The following GTF2H5 variants were observed in gnomAD, a reference collection of about 807,000 sequenced individuals.
GTF2H5 encodes the protein TFB5 ortholog.
Under a neutral mutation model 7.1 loss-of-function variants are expected in GTF2H5, and 5 were observed. The ratio of observed to expected loss-of-function variants is 0.71; its 90% confidence interval spans 0.37 to 1.49. The LOEUF is 1.49. Among genes scored for constraint, GTF2H5 ranks in the 40% most tolerant of loss-of-function variants. The pLI, the probability that GTF2H5 is intolerant of heterozygous loss-of-function variation, is 0.03. For missense variants in GTF2H5, 80 were observed against 83.0 expected (o/e 0.96, Z 0.14); for synonymous variants, 30 against 31.7 (o/e 0.95, Z 0.18).
intron 1 of GTF2H5, among the ~76,000 whole-genome samples, chr6:158,169,455 A>G (rs867095575): frequency 1.5e-5 from 1 of 68,860 alleles, no homozygotes; most frequent in African/African-American, 6.6e-5. Context: ...ATTATATATT[A>G]TATATATTAT....
intron 2 of GTF2H5, among the ~76,000 whole-genome samples, chr6:158,175,030 G>GTGTGTGTATATATA (rs1785912936): frequency 6.9e-6 from 1 of 144,908 alleles, no homozygotes; most frequent in African/African-American, 2.6e-5. Flanking sequence ...GTGTGTGTGT[G>GTGTGTGTATATATA]TGTGTGTGTG....
intron 2 of GTF2H5, among the ~76,000 whole-genome samples, chr6:158,172,590 A>G (rs1226494139): frequency 2.6e-5 from 4 of 151,958 alleles, no homozygotes; most frequent in Non-Finnish European, 5.9e-5. Context: ...GAGCCACTGC[A>G]CCCAGCCTAG....
Position 158,192,151 on chromosome 6 carries a change from G to GT in GTF2H5, c.210_211insT (p.Lys71Ter). On this transcript the variant is annotated frameshift_variant, in exon 3 of 3. Transcript: ENST00000607778. LOFTEE classifies it high-confidence loss of function. ...ACCAAAATGCTTTTTCCCTTACCCAGAAATGAAAATACTCAATATGGACCA... is the reference window on the plus strand; with the variant it reads ...ACCAAAATGCTTTTTCCCTTACCCAGTAAATGAAAATACTCAATATGGACCA... 1 of 1,611,436 alleles carries GT rather than the reference G, an allele frequency of 6.2e-7. No individual in the cohort carries two copies.
At chr6:158,169,409 TTATATATTA>T (rs1785724400) in intron 1 of GTF2H5, among the ~76,000 whole-genome samples, 1 of 76,046 alleles carries the variant, frequency 1.3e-5, no homozygotes, top group African/African-American at 5.4e-5. Flanking sequence ...ATATTGTATA[TTATATATTA>T]TATATAATAT....
chr6:158,190,920 G>A (rs141641031), intron 2 of GTF2H5: 3 of 517,094 alleles, frequency 5.8e-6, no homozygotes, highest in African/African-American at 5.8e-5. Flanking sequence ...ACATTTTGCT[G>A]TAAATCTGTA....
At chr6:158,169,711 A>ATTATATATTATATAATATATTGTATG (rs1785797345) in intron 1 of GTF2H5, among the ~76,000 whole-genome samples, 2 of 70,284 alleles carry the variant, frequency 2.8e-5, no homozygotes, top group Non-Finnish European at 5.1e-5. Flanking sequence ...TATATTGTAT[A>ATTATATATTATATAATATATTGTATG]TTATATATTA....
rs1777121280 is a variant in GTF2H5 at position 158,196,861 on chromosome 6, C to T, written c.*4704C>T. ...TTCGTGAGGAAAAAATTATCTCATT[C>T]ATGCCCTACTTGAAGAGGACCAATG... On this transcript the variant is annotated 3_prime_UTR_variant, in exon 3 of 3. Transcript: ENST00000607778. The T allele has an allele frequency of 6.6e-6, 1 of 152,224 alleles. No homozygotes were observed. Among genetic ancestry groups the T allele is most frequent in the Non-Finnish European group, 1.5e-5 (1 of 68,042 alleles). 9.4% of individuals were successfully genotyped at this position (152,224 alleles called of 1,614,324 possible).
At chr6:158,182,132 G>A (rs990245519) in intron 2 of GTF2H5, among the ~76,000 whole-genome samples, 2 of 152,166 alleles carry the variant, frequency 1.3e-5, no homozygotes, top group Non-Finnish European at 2.9e-5. Flanking sequence ...CTTCACTTAT[G>A]AAGCTTAGTT....
Position 158,193,590 on chromosome 6 carries a change from C to T in GTF2H5, c.*1433C>T, listed in dbSNP as rs1777061474. On this transcript the variant is annotated 3_prime_UTR_variant, in exon 3 of 3. Coordinates refer to ENST00000607778, the MANE Select transcript of GTF2H5 (RefSeq NM_207118.3). ...TCAGTTAGGTATATTTTACATAATT[C>T]CCACCCATATAACTCAGTCCATACA... is the stretch of plus-strand genomic sequence containing the variant. 1 of 152,190 alleles carries T rather than the reference C, an allele frequency of 6.6e-6. No homozygotes were observed. The highest frequency in any genetic ancestry group is 1.5e-5 in the Non-Finnish European group (1 of 68,054). 9.4% of individuals were successfully genotyped at this position (152,190 alleles called of 1,614,324 possible).
intron 2 of GTF2H5, among the ~76,000 whole-genome samples, chr6:158,180,276 G>A (rs1462490313): frequency 2.6e-5 from 4 of 152,134 alleles, no homozygotes; most frequent in Non-Finnish European, 4.4e-5. Context: ...CGGTTTGCCC[G>A]TATTTTATTG....
At chr6:158,179,376 T>A (rs1785975408) in intron 2 of GTF2H5, among the ~76,000 whole-genome samples, 1 of 152,218 alleles carries the variant, frequency 6.6e-6, no homozygotes, top group Non-Finnish European at 1.5e-5. Context: ...TTTCCAATTC[T>A]GTGAAGAAAG....
intron 2 of GTF2H5, among the ~76,000 whole-genome samples, chr6:158,172,854 T>C (rs1254482079): frequency 6.6e-6 from 1 of 152,152 alleles, no homozygotes; most frequent in African/African-American, 2.4e-5. Flanking sequence ...TACGTTTTAA[T>C]TTGAAAAAAA....
At chr6:158,187,796 G>A (rs1368301373) in intron 2 of GTF2H5, among the ~76,000 whole-genome samples, 1 of 151,908 alleles carries the variant, frequency 6.6e-6, no homozygotes, top group East Asian at 1.9e-4. Context: ...TTGATTTCCT[G>A]ACCTCGTGAT....
At chr6:158,186,299 A>G (rs1477834514) in intron 2 of GTF2H5, among the ~76,000 whole-genome samples, 1 of 152,180 alleles carries the variant, frequency 6.6e-6, no homozygotes, top group Non-Finnish European at 1.5e-5. Context: ...AAGATGATGT[A>G]AATTTATTCC....
intron 2 of GTF2H5, among the ~76,000 whole-genome samples, chr6:158,188,167 T>A (rs1776961134): frequency 1.3e-5 from 2 of 152,204 alleles, no homozygotes; most frequent in South Asian, 4.1e-4. Flanking sequence ...GGCACCACGG[T>A]CATATGAGTC....
chr6:158,195,802 C>CA lies in GTF2H5; in HGVS notation c.*3646dup, dbSNP rs993704693. 3 of 152,130 alleles carry CA rather than the reference C, an allele frequency of 2.0e-5. No homozygotes were observed. The highest frequency in any genetic ancestry group is 7.2e-5 in the African/African-American group (3 of 41,414). 9.4% of individuals were successfully genotyped at this position (152,130 alleles called of 1,614,324 possible). ...GATCATTCTATCTTAACAAACTTAA[C>CA]AGATGGGGAAGGGGTATATTTTAAA... On this transcript the variant is annotated 3_prime_UTR_variant, in exon 3 of 3. Coordinates refer to ENST00000607778, the MANE Select transcript of GTF2H5 (RefSeq NM_207118.3).
intron 1 of GTF2H5, among the ~76,000 whole-genome samples, chr6:158,169,767 T>G (rs1303400722): frequency 1.8e-5 from 1 of 56,742 alleles, no homozygotes; most frequent in Non-Finnish European, 3.3e-5. Context: ...TTGTATATTA[T>G]ATATAATATA....
rs1380340692 is a variant in GTF2H5 at position 158,196,686 on chromosome 6, C to G, written c.*4529C>G. 1 of 152,118 alleles carries G rather than the reference C, an allele frequency of 6.6e-6. No homozygotes were observed. The highest frequency in any genetic ancestry group is 1.5e-5 in the Non-Finnish European group (1 of 68,022). The allele number at this position is 152,118 out of a possible 1,614,324, so 9.4% of individuals were successfully genotyped here. On this transcript the variant is annotated 3_prime_UTR_variant, in exon 3 of 3. Coordinates refer to ENST00000607778, the MANE Select transcript of GTF2H5 (RefSeq NM_207118.3). ...AACAAACATCAAATTTATGGCAAAGCTTAGGTGGAAGAATGGTGCAATCAT... is the reference window on the plus strand; with the variant it reads ...AACAAACATCAAATTTATGGCAAAGGTTAGGTGGAAGAATGGTGCAATCAT...
intron 2 of GTF2H5, among the ~76,000 whole-genome samples, chr6:158,191,672 C>T (rs1047560221): frequency 9.9e-5 from 15 of 152,090 alleles, no homozygotes; most frequent in East Asian, 1.9e-4. Context: ...TTAGTAGAGA[C>T]GGGGTTTCAC....
Sources: gnomAD v4.1 joint callset for allele counts (sites outside exome capture counted in the v4.1 genomes callset) on GRCh38, gnomAD v4.1.1 for gene constraint, MANE v1.5 for transcripts, NCBI Gene and HGNC (gene_info 2026-07-23, HGNC 2026-07-21) for gene names.